Variants in CCDC102B observed in about 807,000 individuals in gnomAD.
CCDC102B encodes the protein coiled-coil domain containing 102B, also known as coiled-coil domain-containing protein 102B.
CCDC102B carries 75 observed loss-of-function variants against 57.4 expected under a neutral mutation model. That is an observed-to-expected ratio of 1.31 (90% CI 1.08 to 1.58). The LOEUF is 1.58. Ranked by LOEUF, CCDC102B falls within the 40% of genes most tolerant of loss-of-function variation. The probability of loss-of-function intolerance (pLI) is 0.00; values close to 1 mark genes in which losing one functional copy is unlikely to be tolerated. For synonymous variants in CCDC102B, 206 were observed against 201.9 expected, an observed-to-expected ratio of 1.02 and a Z score of -0.17; for missense variants, 636 against 582.6, an observed-to-expected ratio of 1.09 and a Z score of -0.94.
intron 2 of CCDC102B, among the ~76,000 whole-genome samples, chr18:68,719,622 G>A: frequency 6.6e-6 from 1 of 152,068 alleles, no homozygotes; most frequent in Admixed American, 6.6e-5. Flanking sequence ...CAACAAATTG[G>A]GGAGGCCATC....
At chr18:68,748,216 G>A (rs867034198) in intron 2 of CCDC102B, among the ~76,000 whole-genome samples, 26,225 of 93,726 alleles carry the variant, frequency 0.28, 2,671 homozygotes, top group African/African-American at 0.32. Context: ...GTGTGTGTGT[G>A]TGTGTGTGTG....
At chr18:68,756,038 A>G (rs972600541) in intron 2 of CCDC102B, among the ~76,000 whole-genome samples, 28 of 151,692 alleles carry the variant, frequency 1.8e-4, no homozygotes, top group African/African-American at 6.7e-4. Flanking sequence ...CCGAAGATTT[A>G]AATAGAGATA....
intron 1 of CCDC102B, among the ~76,000 whole-genome samples, chr18:68,808,468 CTTTTT>C (rs1157601164): frequency 1.4e-4 from 13 of 91,782 alleles, no homozygotes; most frequent in African/African-American, 4.7e-4. Context: ...GCTTTTACTA[CTTTTT>C]TTTTTTTTTT....
chr18:68,794,974 C>G (rs778157037), upstream of CCDC102B, among the ~76,000 whole-genome samples: 3 of 150,708 alleles, frequency 2.0e-5, no homozygotes, highest in Non-Finnish European at 4.4e-5. Context: ...TAAGACAGTG[C>G]CCTCCATATA....
intron 6 of CCDC102B, among the ~76,000 whole-genome samples, chr18:68,947,648 C>T (rs893597727): frequency 6.6e-6 from 1 of 152,056 alleles, no homozygotes; most frequent in African/African-American, 2.4e-5. Flanking sequence ...TTCCAGTGTT[C>T]AGGTTTCCCT....
intron 6 of CCDC102B, among the ~76,000 whole-genome samples, chr18:68,932,939 AC>A (rs1279317233): frequency 1.3e-4 from 19 of 151,970 alleles, no homozygotes; most frequent in African/African-American, 4.6e-4. Flanking sequence ...TCTTGAGAGC[AC>A]TTTGTGTTAT....
chr18:68,732,195 A>G (rs968688787), intron 2 of CCDC102B, among the ~76,000 whole-genome samples: 2 of 151,826 alleles, frequency 1.3e-5, no homozygotes, highest in Non-Finnish European at 2.9e-5. Context: ...TTATGGAAGC[A>G]CAGGGCTTTT....
intron 4 of CCDC102B, among the ~76,000 whole-genome samples, chr18:68,861,297 G>GT (rs34605846): frequency 0.34 from 51,227 of 149,456 alleles, 9,568 homozygotes; most frequent in East Asian, 0.65. Flanking sequence ...CAGTTTAAAT[G>GT]TTTTTTTTTT....
At chr18:68,844,423 T>A (rs982743286) in intron 3 of CCDC102B, among the ~76,000 whole-genome samples, 1 of 151,800 alleles carries the variant, frequency 6.6e-6, no homozygotes, top group Admixed American at 6.6e-5. Context: ...CATTTGCTTT[T>A]TCAGTTTTTC....
At chr18:68,983,531 A>G (rs1369455748) in intron 6 of CCDC102B, among the ~76,000 whole-genome samples, 2 of 152,002 alleles carry the variant, frequency 1.3e-5, no homozygotes, top group Non-Finnish European at 2.9e-5. Context: ...CCAGTGATAA[A>G]ATATATTGGA....
chr18:68,870,219 T>C (rs2039184094), intron 4 of CCDC102B, among the ~76,000 whole-genome samples: 1 of 151,138 alleles, frequency 6.6e-6, no homozygotes, highest in Admixed American at 6.6e-5. Context: ...GAAAGGGGAG[T>C]GAGAGCATTA....
chr18:68,739,287 G>C (rs1163899280), intron 2 of CCDC102B, among the ~76,000 whole-genome samples: 1 of 152,178 alleles, frequency 6.6e-6, no homozygotes, highest in African/African-American at 2.4e-5. Context: ...GTGAGCCACT[G>C]TGCCATTTAG....
chr18:68,988,474 C>T (rs1318329204), intron 6 of CCDC102B, among the ~76,000 whole-genome samples: 1 of 151,250 alleles, frequency 6.6e-6, no homozygotes, highest in Non-Finnish European at 1.5e-5. Context: ...GTATCCAGAC[C>T]CCAAACCTCA....
chr18:68,728,746 A>G (rs1361490992), intron 2 of CCDC102B, among the ~76,000 whole-genome samples: 2 of 152,212 alleles, frequency 1.3e-5, no homozygotes, highest in Non-Finnish European at 2.9e-5. Context: ...TGTTAAGAGT[A>G]AGACAAAAAA....
intron 7 of CCDC102B, among the ~76,000 whole-genome samples, chr18:69,046,537 GT>G (rs1412857752): frequency 1.3e-5 from 2 of 152,038 alleles, no homozygotes; most frequent in African/African-American, 2.4e-5. Context: ...CTCTTATTCT[GT>G]AGGTTGTCTG....
At chr18:68,821,429 C>T (rs1477988) in intron 1 of CCDC102B, among the ~76,000 whole-genome samples, 65,096 of 150,654 alleles carry the variant, frequency 0.43, 15,355 homozygotes, top group East Asian at 0.86. Context: ...TGTTTGGATG[C>T]ACTATACAAT....
intron 1 of CCDC102B, among the ~76,000 whole-genome samples, chr18:68,801,403 T>C (rs952004350): frequency 2.0e-5 from 3 of 152,166 alleles, no homozygotes; most frequent in Admixed American, 6.5e-5. Context: ...CAAAGGACTG[T>C]TAACATTATT....
rs1410340303 is a variant in CCDC102B, at chr18:68,857,047, T to TAAA, written c.936+10628_936+10629insAAA. Among the ~76,000 whole-genome samples, 81 of 124,366 alleles carry TAAA rather than the reference T, an allele frequency of 6.5e-4. 1 individual carries two copies. The highest frequency in any genetic ancestry group is 1.2e-3 in the Non-Finnish European group (74 of 61,888). 81.6% of individuals were successfully genotyped at this position (124,366 alleles called of 152,430 possible). A position where few individuals can be genotyped will look rare whatever the true frequency, so the allele number is the denominator to read the frequency against. ...AAATAATATATTTATATATAATATATAATATATAAATATATTTTTATATAT... is the reference window on the plus strand; with the variant it reads ...AAATAATATATTTATATATAATATATAAAAATATATAAATATATTTTTATATAT... On this transcript the variant is annotated intron_variant, in intron 4 of 7. Transcript: ENST00000360242.
At chr18:68,961,884 T>G (rs2050055499) in intron 6 of CCDC102B, among the ~76,000 whole-genome samples, 1 of 152,132 alleles carries the variant, frequency 6.6e-6, no homozygotes, top group Non-Finnish European at 1.5e-5. Context: ...TTTTATATAT[T>G]TATCCTCTGT....
Sources: gnomAD v4.1 joint callset for allele counts (sites outside exome capture counted in the v4.1 genomes callset) on GRCh38, gnomAD v4.1.1 for gene constraint, MANE v1.5 for transcripts, NCBI Gene and HGNC (gene_info 2026-07-23, HGNC 2026-07-21) for gene names.